Variants in HHIPL1 observed in about 807,000 individuals in gnomAD.
HHIPL1 encodes the protein HHIP-like protein 1.
Under a neutral mutation model 61.8 loss-of-function variants are expected in HHIPL1, and 43 were observed. The observed-to-expected ratio is 0.70, with a 90% CI of 0.55 to 0.90. The LOEUF (loss-of-function observed/expected upper bound fraction) is 0.90. HHIPL1 is among the 40% of genes least tolerant of loss of function. HHIPL1 has a pLI of 0.00. For synonymous variants in HHIPL1, 482 were observed against 515.8 expected (o/e 0.93, Z 0.89); for missense variants, 1,056 against 1,157.7 (o/e 0.91, Z 1.28).
chr14:99,605,395 G>GT, the HHIPL1 span, among the ~76,000 whole-genome samples: 1 of 150,378 alleles, frequency 6.6e-6, no homozygotes, highest in East Asian at 2.0e-4. Context: ...GGCGGGGGGG[G>GT]GTCCCTCCCC....
At position 99,659,763 on chromosome 14, in the gene HHIPL1, G is replaced by A. The variant is rs924297899; in HGVS notation, c.1375+7G>A. ...TGCGCCAACACCTCTCTCAGTGAGT[G>A]CCCGCGCCCCGGGGACCCCGGCCCC... On this transcript the variant is annotated splice_region_variant and intron_variant, in intron 4 of 8. Transcript: ENST00000330710. The A allele has an allele frequency of 4.5e-5, 63 of 1,388,678 alleles. No homozygotes were observed. Among genetic ancestry groups the A allele is most frequent in the Non-Finnish European group, 4.8e-5 (52 of 1,075,884 alleles). 86.0% of individuals were successfully genotyped at this position (1,388,678 alleles called of 1,614,324 possible).
the HHIPL1 span, among the ~76,000 whole-genome samples, chr14:99,634,162 T>C: frequency 1.3e-5 from 2 of 152,128 alleles, no homozygotes. Context: ...TGTGTAGACA[T>C]GTCTCCCTCA....
the HHIPL1 span, among the ~76,000 whole-genome samples, chr14:99,609,111 G>A: frequency 7.2e-5 from 11 of 152,278 alleles, no homozygotes; most frequent in African/African-American, 2.6e-4. Context: ...AAGCCTCAGT[G>A]GCTCTGACGC....
At position 99,675,758 on chromosome 14, in the gene HHIPL1, C is replaced by A; in HGVS notation, c.*132C>A. On this transcript the variant is annotated 3_prime_UTR_variant, in exon 9 of 9. Transcript: ENST00000330710. This position sits in a 1 kb window ranked among gnomAD's most constrained non-coding sequence, Gnocchi z 5.4. ...GTGCGGGTGTGTGCTGTCCTGGGGA[C>A]ATGTGTGAGGCGCTGCAGTGCATGT... The A allele has an allele frequency of 1.1e-6, 1 of 915,064 alleles. No individual in the cohort carries two copies. The highest frequency in any genetic ancestry group is 1.6e-6 in the Non-Finnish European group (1 of 637,164). 56.7% of individuals were successfully genotyped at this position (915,064 alleles called of 1,614,324 possible).
Position 99,645,165 on chromosome 14 carries a change from C to T in HHIPL1, c.-43C>T. ...CGCCGCGAGCGCCCCGGGAGGGGAC[C>T]GGGGCTGCCGTCCCTCCGCCTCTTC... On this transcript the variant is annotated 5_prime_UTR_variant, in exon 1 of 9. Coordinates refer to ENST00000330710, the MANE Select transcript of HHIPL1 (RefSeq NM_001127258.3). 1.6e-6 allele frequency: 2 copies of T among 1,253,646 alleles called. No individual in the cohort carries two copies. The highest frequency in any genetic ancestry group is 6.1e-5 in the South Asian group (2 of 33,028). 77.7% of individuals were successfully genotyped at this position (1,253,646 alleles called of 1,614,324 possible). A position where few individuals can be genotyped will look rare whatever the true frequency, so the allele number is the denominator to read the frequency against.
At chr14:99,631,831 A>T in the HHIPL1 span, among the ~76,000 whole-genome samples, 3 of 152,150 alleles carry the variant, frequency 2.0e-5, no homozygotes, top group Admixed American at 1.3e-4. Context: ...TATGGTCCAG[A>T]GAGATCGCTC....
At chr14:99,637,035 G>GAAAGAAGGAAA in the HHIPL1 span, among the ~76,000 whole-genome samples, 55 of 101,018 alleles carry the variant, frequency 5.4e-4, 2 homozygotes, top group African/African-American at 2.3e-3. Flanking sequence ...AAGAAAGAAA[G>GAAAGAAGGAAA]AAAGAAAGAA....
At chr14:99,657,342 C>G (rs2056065760) in intron 3 of HHIPL1, among the ~76,000 whole-genome samples, 199 bp downstream of exon 3, 1 of 152,194 alleles carries the variant, frequency 6.6e-6, no homozygotes, top group Non-Finnish European at 1.5e-5. Flanking sequence ...TAAAAGTCCA[C>G]TCTGCAGGCA....
intron 6 of HHIPL1, among the ~76,000 whole-genome samples, chr14:99,665,417 A>G (rs1284392447): frequency 2.6e-5 from 4 of 152,102 alleles, no homozygotes; most frequent in African/African-American, 4.8e-5. Context: ...ATGACCTGCA[A>G]ATGGTCAAAT....
At chr14:99,608,647 G>T in the HHIPL1 span, among the ~76,000 whole-genome samples, 1 of 152,344 alleles carries the variant, frequency 6.6e-6, no homozygotes, top group East Asian at 1.9e-4. Flanking sequence ...GCTACCAGCA[G>T]CAAGAAGTCA....
the HHIPL1 span, among the ~76,000 whole-genome samples, chr14:99,631,778 A>G: frequency 6.6e-6 from 1 of 152,138 alleles, no homozygotes; most frequent in African/African-American, 2.4e-5. Flanking sequence ...CACCATGCCC[A>G]GCCTTCAACT....
At chr14:99,663,095 G>C in intron 6 of HHIPL1, 74 bp downstream of exon 6, 1 of 1,410,496 alleles carries the variant, frequency 7.1e-7, no homozygotes, top group Non-Finnish European at 9.6e-7. Flanking sequence ...GGTCCTTCTG[G>C]TCTCTGATGT....
intron 7 of HHIPL1, 78 bp from the exon 8 acceptor site, chr14:99,672,239 T>C: frequency 9.0e-7 from 1 of 1,110,650 alleles, no homozygotes; most frequent in Admixed American, 2.0e-5. Flanking sequence ...TGTTCATACC[T>C]GCCTCACTGT....
At chr14:99,642,918 A>T (rs138860598), upstream of HHIPL1, among the ~76,000 whole-genome samples, 1 of 152,180 alleles carries the variant, frequency 6.6e-6, no homozygotes, top group East Asian at 1.9e-4. Context: ...TTTGGTCTTG[A>T]TGTTGTCAAC....
chr14:99,637,106 AG>A, the HHIPL1 span, among the ~76,000 whole-genome samples: 5 of 135,088 alleles, frequency 3.7e-5, 1 homozygote, highest in East Asian at 4.6e-4. Context: ...GAAGGAAAAA[AG>A]AAAGAAAGAA....
At chr14:99,649,105 A>T (rs764978456) in intron 1 of HHIPL1, among the ~76,000 whole-genome samples, 2 of 152,178 alleles carry the variant, frequency 1.3e-5, no homozygotes, top group Non-Finnish European at 2.9e-5. Context: ...CTAGCTCTGG[A>T]CTACCCTGGT....
chr14:99,659,827 G>T, intron 4 of HHIPL1, 71 bp downstream of exon 4: 2 of 773,344 alleles, frequency 2.6e-6, no homozygotes, highest in Non-Finnish European at 3.3e-6. Context: ...TGTGCCGCAG[G>T]GCCTCCCTCG....
At chr14:99,648,212 A>G (rs985976190) in intron 1 of HHIPL1, among the ~76,000 whole-genome samples, 6 of 152,194 alleles carry the variant, frequency 3.9e-5, no homozygotes, top group Non-Finnish European at 8.8e-5. Context: ...ACAAGGCCAC[A>G]TACCTCAGGG....
At chr14:99,617,961 C>A in the HHIPL1 span, among the ~76,000 whole-genome samples, 1 of 152,192 alleles carries the variant, frequency 6.6e-6, no homozygotes, top group Non-Finnish European at 1.5e-5. Context: ...TCTCCCATGG[C>A]AGATGTGCCA....
Sources: gnomAD v4.1 joint callset for allele counts (sites outside exome capture counted in the v4.1 genomes callset) on GRCh38, gnomAD v4.1.1 for gene constraint, Gnocchi (gnomAD v3.1) non-coding constraint, MANE v1.5 for transcripts, NCBI Gene and HGNC (gene_info 2026-07-23, HGNC 2026-07-21) for gene names.